ERC2: variants seen among roughly 807,000 people sequenced by gnomAD.
The protein encoded by ERC2 is ELKS/RAB6-interacting/CAST family member 2.
A neutral mutation model predicts 114.8 loss-of-function variants in ERC2; 42 were observed. The ratio of observed to expected loss-of-function variants is 0.37; its 90% CI spans 0.29 to 0.47. ERC2 has a LOEUF of 0.47. ERC2 is among the 20% of genes least tolerant of loss of function. The pLI is 0.99. For missense variants in ERC2, 939 were observed against 1,150.7 expected (o/e 0.82, Z 2.66); for synonymous variants, 454 against 425.5 (o/e 1.07, Z -0.82).
At chr3:56,044,920 T>C (rs1440925403) in intron 7 of ERC2, among the ~76,000 whole-genome samples, 4 of 152,302 alleles carry the variant, frequency 2.6e-5, no homozygotes, top group Non-Finnish European at 2.9e-5. Context: ...ACAATTTATT[T>C]TGTTATTGCT....
At chr3:56,350,571 C>T (rs1453529327) in intron 2 of ERC2, among the ~76,000 whole-genome samples, 2 of 151,268 alleles carry the variant, frequency 1.3e-5, no homozygotes, top group Admixed American at 6.6e-5. Flanking sequence ...TATATATATA[C>T]AGTGAAATGC....
intron 4 of ERC2, among the ~76,000 whole-genome samples, chr3:56,169,932 A>T (rs1292014148): frequency 1.3e-5 from 2 of 152,192 alleles, no homozygotes; most frequent in Non-Finnish European, 2.9e-5. Context: ...AGAAATTAGC[A>T]TTAAAGAAAG....
chr3:56,017,809 G>C (rs936520832), intron 8 of ERC2, among the ~76,000 whole-genome samples: 1 of 152,076 alleles, frequency 6.6e-6, no homozygotes, highest in Non-Finnish European at 1.5e-5. Flanking sequence ...TTAGAGCCAG[G>C]ATTTTCACCC....
chr3:56,435,225 G>T, intron 1 of ERC2, 78 bp from the exon 2 acceptor site: 1 of 477,072 alleles, frequency 2.1e-6, no homozygotes, highest in Non-Finnish European at 3.8e-6. Flanking sequence ...AATATATAAA[G>T]ATAATGATAG....
rs140391986 is a variant in ERC2, at chr3:55,831,922, G to A, written c.2564+56467C>T. Among the ~76,000 whole-genome samples, 447 of 152,350 alleles carry A rather than the reference G, an allele frequency of 2.9e-3. 9 individuals are homozygous for A. Among genetic ancestry groups the A allele is most frequent in the African/African-American group, 1.0e-2 (415 of 41,588 alleles). On this transcript the variant is annotated intron_variant, in intron 14 of 17. Coordinates refer to ENST00000288221, the MANE Select transcript of ERC2 (RefSeq NM_015576.3). ...CACCCGAATACTGTGCTTTTCCAAC[G>A]GGCTTAAAAAACGGCACACCAGGAG...
intron 17 of ERC2, among the ~76,000 whole-genome samples, chr3:55,557,990 T>C (rs1413098056): frequency 6.6e-6 from 1 of 152,252 alleles, no homozygotes; most frequent in Non-Finnish European, 1.5e-5. Context: ...CAGTGCTTAC[T>C]AGTTTTATGA....
At chr3:56,204,344 G>A (rs1383186339) in intron 3 of ERC2, among the ~76,000 whole-genome samples, 1 of 151,994 alleles carries the variant, frequency 6.6e-6, no homozygotes, top group Admixed American at 6.6e-5. Context: ...AATACTTGTG[G>A]GTTGGATGCA....
intron 13 of ERC2, among the ~76,000 whole-genome samples, chr3:55,933,827 A>T (rs1057259817): frequency 1.3e-5 from 2 of 152,202 alleles, no homozygotes; most frequent in African/African-American, 2.4e-5. Context: ...ATTTAGCTCA[A>T]CCTACGCATA....
At chr3:55,915,984 C>A (rs551876029) in intron 13 of ERC2, among the ~76,000 whole-genome samples, 1 of 152,094 alleles carries the variant, frequency 6.6e-6, no homozygotes, top group Non-Finnish European at 1.5e-5. Flanking sequence ...ATAGAACATG[C>A]ATATTCATAG....
chr3:56,249,510 T>C (rs941090976), intron 3 of ERC2, among the ~76,000 whole-genome samples: 1 of 151,974 alleles, frequency 6.6e-6, no homozygotes, highest in Admixed American at 6.6e-5. Flanking sequence ...GTATTTTTAG[T>C]AGAGACGGGG....
At chr3:56,307,277 T>C (rs562364051) in intron 2 of ERC2, among the ~76,000 whole-genome samples, 2 of 152,126 alleles carry the variant, frequency 1.3e-5, no homozygotes, top group African/African-American at 4.8e-5. Context: ...ACAAGAAAAA[T>C]GTATATATTT....
intron 17 of ERC2, among the ~76,000 whole-genome samples, chr3:55,590,810 G>A (rs1429496628): frequency 6.6e-6 from 1 of 152,154 alleles, no homozygotes; most frequent in Non-Finnish European, 1.5e-5. Flanking sequence ...GGACATTAAT[G>A]TCCTCTTTTA....
chr3:55,758,059 C>T (rs1292145601), intron 14 of ERC2, among the ~76,000 whole-genome samples: 1 of 151,946 alleles, frequency 6.6e-6, no homozygotes, highest in Non-Finnish European at 1.5e-5. Flanking sequence ...ATATTAATGA[C>T]TTAAAAAAAA....
intron 14 of ERC2, among the ~76,000 whole-genome samples, chr3:55,879,631 T>A (rs1183429310): frequency 5.3e-5 from 8 of 152,184 alleles, no homozygotes; most frequent in Admixed American, 5.2e-4. Context: ...CACATACATG[T>A]CTGTTAGGAA....
intron 17 of ERC2, among the ~76,000 whole-genome samples, chr3:55,549,384 C>T (rs1696257): frequency 0.35 from 52,730 of 151,854 alleles, 11,040 homozygotes; most frequent in East Asian, 0.71. Flanking sequence ...AGGCCTAAAC[C>T]TGGAACTTAA....
intron 7 of ERC2, among the ~76,000 whole-genome samples, chr3:56,047,871 C>G (rs919893308): frequency 6.6e-6 from 1 of 152,086 alleles, no homozygotes; most frequent in Non-Finnish European, 1.5e-5. Flanking sequence ...TGTACAAGCC[C>G]ATGTTCACAT....
intron 1 of ERC2, among the ~76,000 whole-genome samples, chr3:56,448,568 A>C (rs180799027): frequency 1.3e-5 from 2 of 152,224 alleles, no homozygotes; most frequent in East Asian, 3.9e-4. Context: ...CATACACATG[A>C]ACTCTGCAGC....
chr3:56,139,606 G>T lies in ERC2; in HGVS notation c.1376C>A (p.Thr459Asn), dbSNP rs1295798641. 6.2e-7 allele frequency: 1 copy of T among 1,613,182 alleles called. No homozygotes were observed. The part of the protein sequence containing the change: ...ELLALQTKLE[T>N]LSNQNSDCKQ... ...GCAATCTGAATTTTGATTGCTGAGG[G>T]TTTCAAGCTTTGTTTGTAAGGCAAG... Residue 459 changes from threonine (T) to asparagine (N), a missense_variant, in exon 6 of 18, where the codon ACC becomes AAC. Physicochemically the swap from Thr to Asn is moderately conservative, Grantham distance 65 (BLOSUM62 0). Coordinates refer to ENST00000288221, the MANE Select transcript of ERC2 (RefSeq NM_015576.3).
At chr3:55,641,038 A>C (rs2060157969) in intron 17 of ERC2, among the ~76,000 whole-genome samples, 4 of 152,190 alleles carry the variant, frequency 2.6e-5, no homozygotes, top group Admixed American at 2.6e-4. Context: ...GCTTCCATAC[A>C]TCTGGGGTGT....
Sources: gnomAD v4.1 joint callset for allele counts (sites outside exome capture counted in the v4.1 genomes callset) on GRCh38, gnomAD v4.1.1 for gene constraint, MANE v1.5 for transcripts, NCBI Gene and HGNC (gene_info 2026-07-23, HGNC 2026-07-21) for gene names.